ZNF518A: variants seen among roughly 807,000 people sequenced by gnomAD.
ZNF518A encodes zinc finger protein 518.
ZNF518A carries 47 observed loss-of-function variants against 102.7 expected under a neutral mutation model. The ratio of observed to expected loss-of-function variants is 0.46; its 90% confidence interval spans 0.36 to 0.58. The LOEUF (loss-of-function observed/expected upper bound fraction) is 0.58. Ranked by LOEUF, ZNF518A falls within the 20% of genes least tolerant of loss-of-function variation. The pLI is 0.00. For missense variants in ZNF518A, 1,793 were observed against 1,699.8 expected, an observed-to-expected ratio of 1.05 and a Z score of -0.96; for synonymous variants, 652 against 594.6, an observed-to-expected ratio of 1.10 and a Z score of -1.40.
In ZNF518A at chr10:96,176,140, A is replaced by G. The variant is rs201355528; in HGVS notation, n.35+20093A>G. 4.6e-5 allele frequency among the ~76,000 whole-genome samples: 7 copies of G among 152,018 alleles called. No homozygotes were observed. In the East Asian group the frequency reaches 9.7e-4, roughly 21 times the overall value. ...TGTAGAGACAGGGTCTATGTTGCCC[A>G]GGCTGGTCTCAGACTCCTGGCCTCA... On this transcript the variant is annotated intron_variant and non_coding_transcript_variant, in intron 1 of 2. Coordinates refer to the ZNF518A transcript ENST00000442635.
rs183893832 is a variant in ZNF518A, at chr10:96,177,883, A to G, written n.35+21836A>G. Among the ~76,000 whole-genome samples the G allele has an allele frequency of 6.9e-4, 105 of 152,260 alleles. 3 individuals carry two copies. The highest frequency in any genetic ancestry group is 6.7e-3 in the Admixed American group (103 of 15,304). On this transcript the variant is annotated intron_variant and non_coding_transcript_variant, in intron 1 of 2. Transcript: ENST00000442635. ...AAAAAATGATACTAGGGATAAAAAG[A>G]AATACCTCAATGATAAAGAGTTCCA...
In ZNF518A at chr10:96,146,101, AT is replaced by A. The variant is rs1161949461; in HGVS notation, c.-301-9216del. On this transcript the variant is annotated intron_variant, in intron 3 of 5. Coordinates refer to ENST00000316045, the MANE Select transcript of ZNF518A (RefSeq NM_001330736.2). ...ATTAAACTCTATATGTCTACTGTTT[AT>A]TTTTTTTTCACTTAAGGTATGTTAG... Among the ~76,000 whole-genome samples the A allele has an allele frequency of 5.3e-5, 8 of 150,534 alleles. No individual in the cohort carries two copies. The South Asian group carries it at 1.1e-3, about 20-fold the overall frequency.
chr10:96,171,528 T>A (rs1382290624), intron 1 of ZNF518A, among the ~76,000 whole-genome samples: 1 of 152,076 alleles, frequency 6.6e-6, no homozygotes, highest in Non-Finnish European at 1.5e-5. Flanking sequence ...GCTAAAGGTG[T>A]TTAAAGGAAA....
chr10:96,137,043 A>G (rs1283936890), intron 3 of ZNF518A, among the ~76,000 whole-genome samples: 1 of 152,264 alleles, frequency 6.6e-6, no homozygotes, highest in African/African-American at 2.4e-5. Context: ...AAAAACAGGC[A>G]GCAGGCCAGA....
intron 1 of ZNF518A, among the ~76,000 whole-genome samples, chr10:96,186,170 G>T (rs1554892537): frequency 6.6e-6 from 1 of 152,162 alleles, no homozygotes; most frequent in Admixed American, 6.5e-5. Flanking sequence ...CTGACCCCTT[G>T]TACTTCCTGG....
At chr10:96,191,235 C>CTTTTTT (rs34920263) in intron 1 of ZNF518A, among the ~76,000 whole-genome samples, 11 of 130,248 alleles carry the variant, frequency 8.4e-5, no homozygotes, top group Non-Finnish European at 1.6e-4. Context: ...CATTAAACCT[C>CTTTTTT]TTTTTTTTTT....
At chr10:96,171,609 G>A (rs1258630659) in intron 1 of ZNF518A, among the ~76,000 whole-genome samples, 6 of 152,036 alleles carry the variant, frequency 3.9e-5, no homozygotes, top group Non-Finnish European at 8.8e-5. Context: ...TGTAATTCTG[G>A]GAATTCACTA....
At chr10:96,201,797 C>T (rs1554896261) in intron 1 of ZNF518A, among the ~76,000 whole-genome samples, 1 of 152,144 alleles carries the variant, frequency 6.6e-6, no homozygotes, top group African/African-American at 2.4e-5. Context: ...GGATCAAAGG[C>T]ATTGGGGATA....
At chr10:96,169,173 T>TA (rs1452409581) in intron 1 of ZNF518A, among the ~76,000 whole-genome samples, 1 of 150,040 alleles carries the variant, frequency 6.7e-6, no homozygotes, top group African/African-American at 2.5e-5. Context: ...AGCTAACTTT[T>TA]AAAAAAATTT....
chr10:96,142,459 T>C (rs587742987), intron 3 of ZNF518A, among the ~76,000 whole-genome samples: 3 of 152,230 alleles, frequency 2.0e-5, no homozygotes, highest in Non-Finnish European at 1.5e-5. Flanking sequence ...TATGACTGTT[T>C]TGCCTGTATC....
At position 96,157,670 on chromosome 10, in the gene ZNF518A, A is replaced by G. The variant is rs1451650128; in HGVS notation, c.1348A>G (p.Met450Val). The G allele has an allele frequency of 3.1e-6, 5 of 1,613,784 alleles. No individual in the cohort carries two copies. The highest frequency in any genetic ancestry group is 4.2e-6 in the Non-Finnish European group (5 of 1,179,824). The part of the protein sequence containing the change: ...YNATFMGFKM[M>V]DGKQHIVLKL... ...TGCTACGTTTATGGGCTTCAAGATGATGGATGGAAAACAGCATATTGTATT... is the reference window on the plus strand; with the variant it reads ...TGCTACGTTTATGGGCTTCAAGATGGTGGATGGAAAACAGCATATTGTATT... Residue 450 changes from methionine (M) to valine (V), a missense_variant, in exon 6 of 6, where the codon ATG becomes GTG. Met to Val is a conservative substitution (Grantham distance 21). Transcript: ENST00000316045.
At chr10:96,188,813 TG>T (rs1308352365) in intron 1 of ZNF518A, among the ~76,000 whole-genome samples, 1 of 152,178 alleles carries the variant, frequency 6.6e-6, no homozygotes, top group Non-Finnish European at 1.5e-5. Flanking sequence ...ATAAACTGGG[TG>T]GCTTAAAAAG....
rs587632499 is a variant in ZNF518A, at chr10:96,155,760, C to T, written c.-250-164C>T. The T allele has an allele frequency of 2.0e-5, 3 of 152,310 alleles. No homozygotes were observed. The East Asian group carries it at 5.8e-4, about 29-fold the overall frequency. 9.4% of individuals were successfully genotyped at this position (152,310 alleles called of 1,614,324 possible). A position where few individuals can be genotyped will look rare whatever the true frequency, so the allele number is the denominator to read the frequency against. On this transcript the variant is annotated intron_variant, in intron 4 of 5. Transcript: ENST00000316045. ...TCACAGGGAATAGCTATTAGATCAA[C>T]TAAGCAAATGAAAAAGTTAATAGTA...
intron 3 of ZNF518A, among the ~76,000 whole-genome samples, chr10:96,136,193 C>T (rs1226918674): frequency 1.3e-5 from 2 of 151,838 alleles, no homozygotes; most frequent in Non-Finnish European, 2.9e-5. Context: ...TATTTCTTTT[C>T]ATATAATTTC....
At chr10:96,151,927 G>T (rs587755842) in intron 3 of ZNF518A, among the ~76,000 whole-genome samples, 1 of 152,290 alleles carries the variant, frequency 6.6e-6, no homozygotes, top group Admixed American at 6.5e-5. Context: ...TTACAAAATT[G>T]TATTATTTCA....
At chr10:96,141,592 C>G (rs955176882) in intron 3 of ZNF518A, among the ~76,000 whole-genome samples, 3 of 152,078 alleles carry the variant, frequency 2.0e-5, no homozygotes, top group Admixed American at 1.3e-4. Context: ...ATTTTAAACT[C>G]CTTTATAATT....
downstream of ZNF518A, among the ~76,000 whole-genome samples, chr10:96,165,986 A>G (rs1554890267): frequency 6.6e-6 from 1 of 152,130 alleles, no homozygotes; most frequent in Non-Finnish European, 1.5e-5. Context: ...TAACTCTCAG[A>G]CTGAGATAGA....
At chr10:96,167,606 A>G (rs587681907), downstream of ZNF518A, among the ~76,000 whole-genome samples, 1 of 152,332 alleles carries the variant, frequency 6.6e-6, no homozygotes, top group East Asian at 1.9e-4. Context: ...AATAACTACA[A>G]TTTTAAAAGT....
At position 96,159,897 on chromosome 10, in the gene ZNF518A, C is replaced by T; in HGVS notation, c.3575C>T (p.Ala1192Val). 6.2e-7 allele frequency: 1 copy of T among 1,613,436 alleles called. No individual in the cohort carries two copies. The highest frequency in any genetic ancestry group is 8.5e-7 in the Non-Finnish European group (1 of 1,179,706). The change falls in exon 6 of 6, where the codon GCC (alanine) becomes GTC (valine). Residue 1192 changes from alanine to valine, a missense_variant. By Grantham distance (64) the Ala-to-Val change is moderately conservative. This residue lies in a region of ZNF518A where 1,741 missense variants were observed against 1,622.6 expected (regional missense o/e 1.07). Transcript: ENST00000316045. ...GEQKEPESRD[A>V]LPFLLDDLMP... is the part of the protein sequence containing the mutation. ...CAGAAAGAGCCAGAATCTAGAGATG[C>T]CTTACCCTTCTTACTAGATGACTTA... is the stretch of plus-strand genomic sequence containing the variant.
Sources: gnomAD v4.1 joint callset for allele counts (sites outside exome capture counted in the v4.1 genomes callset) on GRCh38, gnomAD v4.1.1 for gene constraint, gnomAD v4.1.1 regional missense constraint, MANE v1.5 for transcripts, NCBI Gene and HGNC (gene_info 2026-07-23, HGNC 2026-07-21) for gene names.